Variants in PLEKHH1 observed in about 807,000 individuals in gnomAD.
PLEKHH1 encodes the protein pleckstrin homology, MyTH4 and FERM domain containing H1, also known as pleckstrin homology domain-containing family H member 1.
Under a neutral mutation model 160.0 loss-of-function variants are expected in PLEKHH1, and 104 were observed. The ratio of observed to expected loss-of-function variants is 0.65; its 90% CI spans 0.55 to 0.76. PLEKHH1 has a LOEUF of 0.76. PLEKHH1 is among the 30% of genes least tolerant of loss of function. PLEKHH1 has a pLI of 0.00. For synonymous variants in PLEKHH1, 619 were observed against 678.4 expected, an observed-to-expected ratio of 0.91 and a Z score of 1.36; for missense variants, 1,427 against 1,724.1, an observed-to-expected ratio of 0.83 and a Z score of 3.05.
Position 67,562,867 on chromosome 14 carries a change from A to G in PLEKHH1, c.1236A>G (p.Thr412=). The change falls in exon 7 of 29, where the codon ACA becomes ACG. Residue 412 remains threonine (T), a synonymous_variant. Transcript: ENST00000329153. The part of the protein sequence containing the change: ...EEVELGNKPP[T]PPLHQFSSWE... ...TGGAGCTGGGTAACAAGCCACCTAC[A>G]CCCCCGCTGCACCAGTTTTCATCCT... 2 of 1,612,692 alleles carry G rather than the reference A, an allele frequency of 1.2e-6. No individual in the cohort carries two copies. The highest frequency in any genetic ancestry group is 2.2e-5 in the South Asian group (2 of 90,992).
At chr14:67,577,171 C>T (rs1296726931) in intron 17 of PLEKHH1, 131 bp from the exon 18 acceptor site, 1 of 670,324 alleles carries the variant, frequency 1.5e-6, no homozygotes, top group Non-Finnish European at 2.6e-6. Flanking sequence ...GGATGATAAA[C>T]CCAGCACAAC....
At chr14:67,572,665 C>A (rs1324453307) in intron 11 of PLEKHH1, among the ~76,000 whole-genome samples, 1 of 152,204 alleles carries the variant, frequency 6.6e-6, no homozygotes, top group African/African-American at 2.4e-5. Flanking sequence ...CATTTGTCCT[C>A]ACAATCCTCT....
At chr14:67,534,271 C>G (rs549548281) in intron 1 of PLEKHH1, among the ~76,000 whole-genome samples, 18 of 152,160 alleles carry the variant, frequency 1.2e-4, no homozygotes, top group South Asian at 2.1e-4. Context: ...AAGGAGGAAG[C>G]TGGGACTCTG....
At chr14:67,585,520 A>G (rs1323045642) in intron 26 of PLEKHH1, 48 bp from the exon 27 acceptor site, 2 of 1,308,666 alleles carry the variant, frequency 1.5e-6, no homozygotes, top group Non-Finnish European at 2.2e-6. Flanking sequence ...TTATAGTTCA[A>G]AATCTCTAAC....
In PLEKHH1 at chr14:67,533,371, G is replaced by T. The variant is rs2033537061; in HGVS notation, c.-62G>T. 1 of 151,578 alleles carries T rather than the reference G, an allele frequency of 6.6e-6. No homozygotes were observed. The highest frequency in any genetic ancestry group is 1.5e-5 in the Non-Finnish European group (1 of 67,858). 9.4% of individuals were successfully genotyped at this position (151,578 alleles called of 1,614,324 possible). A position where few individuals can be genotyped will look rare whatever the true frequency, so the allele number is the denominator to read the frequency against. ...GAGGGCGCCCGTGTGCCCAGTGCGC[G>T]GCGGGGACGGCCGCGAGCTCGCTGG... On this transcript the variant is annotated 5_prime_UTR_variant, in exon 1 of 29. Coordinates refer to ENST00000329153, the MANE Select transcript of PLEKHH1 (RefSeq NM_020715.3).
At chr14:67,563,685 G>A (rs1413418797) in intron 7 of PLEKHH1, among the ~76,000 whole-genome samples, 2 of 151,360 alleles carry the variant, frequency 1.3e-5, no homozygotes, top group Admixed American at 6.6e-5. Context: ...CACCCTCTTG[G>A]GCCTCCCAAA....
chr14:67,542,488 C>A (rs942132623), intron 2 of PLEKHH1, among the ~76,000 whole-genome samples: 1 of 152,150 alleles, frequency 6.6e-6, no homozygotes, highest in Non-Finnish European at 1.5e-5. Context: ...AGTCCCTTCA[C>A]CTCTAAGGCA....
chr14:67,577,963 T>C (rs1265283361), intron 18 of PLEKHH1, 60 bp from the exon 19 acceptor site: 28 of 1,518,056 alleles, frequency 1.8e-5, no homozygotes, highest in Middle Eastern at 4.5e-4. Context: ...GGCCAAGCCG[T>C]TGAGTTCTCT....
intron 7 of PLEKHH1, among the ~76,000 whole-genome samples, chr14:67,566,513 A>AGT: frequency 6.6e-6 from 1 of 152,138 alleles, no homozygotes; most frequent in Non-Finnish European, 1.5e-5. Context: ...GGGAGGCAGA[A>AGT]GCAGGTAGAC....
chr14:67,587,138 C>G lies in PLEKHH1; in HGVS notation c.3998C>G (p.Pro1333Arg). The G allele has an allele frequency of 1.9e-6, 3 of 1,613,974 alleles. No homozygotes were observed. Among genetic ancestry groups the G allele is most frequent in the Admixed American group, 1.7e-5 (1 of 60,022 alleles). ...CATTGCACTACAACTGTGAACCCCC[C>G]CACCAACCCACCCGGAGCCTGCCAG... is the stretch of plus-strand genomic sequence containing the variant. ...MNHCTTTVNP[P>R]TNPPGACQLW... Residue 1333 changes from proline (P) to arginine (R), a missense_variant, in exon 29 of 29, where the codon CCC becomes CGC. Around this residue, in one of 6 missense-constraint regions of PLEKHH1, gnomAD observed 96 missense variants for 97.6 expected, o/e 0.98. Coordinates refer to ENST00000329153, the MANE Select transcript of PLEKHH1 (RefSeq NM_020715.3).
At chr14:67,534,432 A>AG in intron 1 of PLEKHH1, among the ~76,000 whole-genome samples, 1 of 152,176 alleles carries the variant, frequency 6.6e-6, no homozygotes, top group African/African-American at 2.4e-5. Context: ...ATAAAAATTT[A>AG]AAAATTAGCT....
intron 1 of PLEKHH1, among the ~76,000 whole-genome samples, chr14:67,539,474 G>T (rs1449780080): frequency 6.6e-6 from 1 of 152,092 alleles, no homozygotes; most frequent in East Asian, 1.9e-4. Context: ...TTCTCTGCAG[G>T]TCTTATTTTT....
At chr14:67,537,794 A>T (rs1213094054) in intron 1 of PLEKHH1, among the ~76,000 whole-genome samples, 1 of 152,136 alleles carries the variant, frequency 6.6e-6, no homozygotes, top group African/African-American at 2.4e-5. Flanking sequence ...GAGTCACCTA[A>T]TGACTTCCTG....
At position 67,569,973 on chromosome 14, in the gene PLEKHH1, C is replaced by T; in HGVS notation, c.1395C>T (p.Tyr465=). Residue 465 remains tyrosine, a synonymous_variant, in exon 9 of 29, where the codon TAC becomes TAT. Transcript: ENST00000329153. ...VSPGSFSGLV[Y]KNVTVPVYTA... ...CTGGGTCTTTCTCTGGCCTGGTCTA[C>T]AAGAATGTCACTGTGCCTGTCTACA... The T allele has an allele frequency of 6.2e-7, 1 of 1,609,020 alleles. No homozygotes were observed. The highest frequency in any genetic ancestry group is 8.5e-7 in the Non-Finnish European group (1 of 1,177,272).
chr14:67,575,682 G>A (rs1042533255), intron 15 of PLEKHH1, 141 bp from the exon 16 acceptor site: 11 of 730,258 alleles, frequency 1.5e-5, no homozygotes, highest in African/African-American at 1.2e-4. Flanking sequence ...AGCCTGGCTG[G>A]GATGCTATAG....
chr14:67,554,627 A>G (rs925198418), intron 2 of PLEKHH1, among the ~76,000 whole-genome samples: 2 of 152,224 alleles, frequency 1.3e-5, no homozygotes, highest in Non-Finnish European at 1.5e-5. Flanking sequence ...ATGATGTCCA[A>G]TTGGGCAGCA....
At chr14:67,570,308 G>C (rs762855729) in intron 9 of PLEKHH1, 3 of 979,026 alleles carry the variant, frequency 3.1e-6, no homozygotes, top group Non-Finnish European at 3.6e-6. Context: ...AGGTCCCAGA[G>C]GGCAGTGGGG....
At chr14:67,575,725 T>A (rs1293877322) in intron 15 of PLEKHH1, 98 bp from the exon 16 acceptor site, 21 of 907,826 alleles carry the variant, frequency 2.3e-5, no homozygotes, top group Non-Finnish European at 3.6e-5. Flanking sequence ...TCGGTCCATA[T>A]CCACGATTCC....
In PLEKHH1 at chr14:67,587,361, AT is replaced by A; in HGVS notation, c.*130del. On this transcript the variant is annotated 3_prime_UTR_variant, in exon 29 of 29. Transcript: ENST00000329153. Reference sequence around the variant, plus strand: ...GCTACTCTTGTTCTGTGAAATGTGTATTTTAGTCTCTGTGAAGCCTTTACTC... The same window carrying A: ...GCTACTCTTGTTCTGTGAAATGTGTATTTAGTCTCTGTGAAGCCTTTACTC... 1.8e-6 allele frequency: 2 copies of A among 1,112,608 alleles called. No individual in the cohort carries two copies. The highest frequency in any genetic ancestry group is 2.7e-6 in the Non-Finnish European group (2 of 734,728). The allele number at this position is 1,112,608 out of a possible 1,614,324, so 68.9% of individuals were successfully genotyped here.
Sources: allele counts gnomAD v4.1 joint callset (sites outside exome capture counted in the v4.1 genomes callset), GRCh38; gene constraint gnomAD v4.1.1; regional missense constraint gnomAD v4.1.1; transcripts MANE v1.5; gene names NCBI Gene and HGNC (gene_info 2026-07-23, HGNC 2026-07-21).